ANKRD11: variants seen among roughly 807,000 people sequenced by gnomAD.
The protein encoded by ANKRD11 is ankyrin repeat domain 11.
In ANKRD11, 17 loss-of-function variants were observed where a neutral mutation model predicts 195.7. The observed-to-expected ratio is 0.09, with a 90% CI of 0.06 to 0.13. ANKRD11 has a LOEUF of 0.13. Ranked by LOEUF, ANKRD11 falls within the 10% of genes least tolerant of loss-of-function variation. ANKRD11 has a pLI of 1.00. For synonymous variants in ANKRD11, 1,953 were observed against 1,528.1 expected, an observed-to-expected ratio of 1.28 and a Z score of -6.49; for missense variants, 3,735 against 3,566.1, an observed-to-expected ratio of 1.05 and a Z score of -1.21.
At position 89,449,293 on chromosome 16, in the gene ANKRD11, T is replaced by G. The variant is rs190318521; in HGVS notation, c.-144-30925A>C. Among the ~76,000 whole-genome samples the G allele has an allele frequency of 4.0e-4, 60 of 148,398 alleles. No homozygotes were observed. In the East Asian group the frequency reaches 0.011, roughly 28 times the overall value. ...GGTGGGAGGATCACTCGAGGTGGGG[T>G]GGTCGAGGCTACAGTGAGCCGTGAT... On this transcript the variant is annotated intron_variant, in intron 1 of 12. Transcript: ENST00000301030.
chr16:89,343,536 T>A (rs2038794797), intron 2 of ANKRD11: 1 of 152,282 alleles, frequency 6.6e-6, no homozygotes, highest in African/African-American at 2.4e-5. Flanking sequence ...CGAGGTGGGC[T>A]GGAGGCATGT....
chr16:89,381,976 G>A (rs2040677869), intron 2 of ANKRD11, among the ~76,000 whole-genome samples: 4 of 152,210 alleles, frequency 2.6e-5, no homozygotes, highest in Admixed American at 2.6e-4. Context: ...AATGTAGTGT[G>A]TCTGAGATCG....
rs747098071 is a variant in ANKRD11 at position 89,285,684 on chromosome 16, G to A, written c.893-35C>T. Reference sequence around the variant, plus strand: ...GTAGGAAGCGAGAGGTCACAGGCAGGCTCAAAACAGCTCTCCCCAGAATGG... The same window carrying A: ...GTAGGAAGCGAGAGGTCACAGGCAGACTCAAAACAGCTCTCCCCAGAATGG... On this transcript the variant is annotated intron_variant, in intron 8 of 12. Transcript: ENST00000301030. The surrounding 1 kb of genome is among the most constrained non-coding windows in gnomAD (Gnocchi z 5.6). 1 of 1,601,906 alleles carries A rather than the reference G, an allele frequency of 6.2e-7. No individual in the cohort carries two copies. The highest frequency in any genetic ancestry group is 8.6e-7 in the Non-Finnish European group (1 of 1,168,922).
At chr16:89,341,485 C>T (rs931296913) in intron 2 of ANKRD11, among the ~76,000 whole-genome samples, 1 of 152,136 alleles carries the variant, frequency 6.6e-6, no homozygotes, top group Non-Finnish European at 1.5e-5. Flanking sequence ...CTGCTGGGCT[C>T]GTCACCTTAG....
chr16:89,407,513 C>T (rs189481856), intron 2 of ANKRD11, among the ~76,000 whole-genome samples: 330 of 152,264 alleles, frequency 2.2e-3, no homozygotes, highest in Admixed American at 4.2e-3. Flanking sequence ...GACAGCCGCA[C>T]ACACCTAAGA....
At position 89,274,824 on chromosome 16, in the gene ANKRD11, A is replaced by T. The variant is rs541250965; in HGVS notation, c.7703T>A (p.Leu2568Gln). The change falls in exon 11 of 13, where the codon CTG becomes CAG. Residue 2568 changes from leucine (L) to glutamine (Q), a missense_variant. Leu to Gln is a moderately radical substitution (Grantham distance 113). Transcript: ENST00000301030. ...GCAGACGGGCCCTACCTGGCTCTCCAGGGGCATGTTGTAGACCTCGGAGTC... is the reference window on the plus strand; with the variant it reads ...GCAGACGGGCCCTACCTGGCTCTCCTGGGGCATGTTGTAGACCTCGGAGTC... ...LLDSEVYNMP[L>Q]ESQGDENKSV... is the part of the protein sequence containing the mutation. 6.2e-7 allele frequency: 1 copy of T among 1,611,114 alleles called. No individual in the cohort carries two copies. The highest frequency in any genetic ancestry group is 1.3e-5 in the African/African-American group (1 of 74,892).
chr16:89,443,050 T>C (rs1235828385), intron 1 of ANKRD11, among the ~76,000 whole-genome samples: 2 of 152,322 alleles, frequency 1.3e-5, no homozygotes, highest in East Asian at 3.9e-4. Flanking sequence ...TGGAGTGCAA[T>C]GGTGCAATCT....
Position 89,284,875 on chromosome 16 carries a change from G to A in ANKRD11, c.1667C>T (p.Ser556Phe). Residue 556 changes from serine to phenylalanine, a missense_variant, in exon 9 of 13, where the codon TCC becomes TTC. Physicochemically the swap from Ser to Phe is radical, Grantham distance 155 (BLOSUM62 -2). Coordinates refer to ENST00000301030, the MANE Select transcript of ANKRD11 (RefSeq NM_013275.6). ...WRTDNWKTISSPAWSEVSSLS... is the reference protein window; with the variant it reads ...WRTDNWKTISFPAWSEVSSLS... Reference sequence around the variant, plus strand: ...AGAACTGACCTCTGACCAAGCCGGGGAAGAAATGGTTTTCCAATTGTCTGT... The same window carrying A: ...AGAACTGACCTCTGACCAAGCCGGGAAAGAAATGGTTTTCCAATTGTCTGT... 1.2e-6 allele frequency: 2 copies of A among 1,614,152 alleles called. No homozygotes were observed. The highest frequency in any genetic ancestry group is 1.3e-5 in the African/African-American group (1 of 75,052).
rs990579002 is a variant in ANKRD11, at chr16:89,271,270, G to A, written c.7714-361C>T. 3.2e-5 allele frequency: 11 copies of A among 344,818 alleles called. No homozygotes were observed. In the East Asian group the frequency reaches 5.2e-4, roughly 16 times the overall value. 21.4% of individuals were successfully genotyped at this position (344,818 alleles called of 1,614,324 possible). A position where few individuals can be genotyped will look rare whatever the true frequency, so the allele number is the denominator to read the frequency against. On this transcript the variant is annotated intron_variant, in intron 11 of 12. Transcript: ENST00000301030. ...TTTTTTTTTTAAGAGACAGAGTTTC[G>A]CTTGTTGCCCAGGCTGGAGTGCAAT...
intron 1 of ANKRD11, among the ~76,000 whole-genome samples, chr16:89,471,782 CAAAAAAAAAAAAAAA>C (rs56391654): frequency 9.3e-5 from 5 of 53,494 alleles, no homozygotes; most frequent in African/African-American, 2.4e-4. Context: ...GACTCTGTCT[CAAAAAAAAAAAAAAA>C]AAAAAAAAAA....
intron 1 of ANKRD11, among the ~76,000 whole-genome samples, chr16:89,478,467 C>G (rs1434534598): frequency 6.6e-6 from 1 of 152,174 alleles, no homozygotes; most frequent in Non-Finnish European, 1.5e-5. Flanking sequence ...ACAGCCCCCA[C>G]CCGGTAACTC....
intron 11 of ANKRD11, among the ~76,000 whole-genome samples, chr16:89,274,400 G>A (rs964863665): frequency 6.6e-6 from 1 of 152,218 alleles, no homozygotes; most frequent in African/African-American, 2.4e-5. Context: ...CAGCCCCTGG[G>A]GCCTGTGCTG....
intron 1 of ANKRD11, among the ~76,000 whole-genome samples, chr16:89,477,543 G>A (rs1292265042): frequency 6.6e-6 from 1 of 151,848 alleles, no homozygotes; most frequent in Non-Finnish European, 1.5e-5. Context: ...TTTTAGAAGA[G>A]ACAGGGTTTC....
At chr16:89,428,442 T>C (rs1217717824) in intron 1 of ANKRD11, among the ~76,000 whole-genome samples, 1 of 151,566 alleles carries the variant, frequency 6.6e-6, no homozygotes, top group Non-Finnish European at 1.5e-5. Flanking sequence ...AGGAAAATGT[T>C]GTGAACCTGG....
chr16:89,487,710 G>A (rs903017001), intron 1 of ANKRD11, among the ~76,000 whole-genome samples: 2 of 152,108 alleles, frequency 1.3e-5, no homozygotes, highest in Admixed American at 6.5e-5. Flanking sequence ...GGAGACGGAG[G>A]TTGCAATGAG....
rs538907725 is a variant in ANKRD11, at chr16:89,428,308, A to G, written c.-144-9940T>C. Reference sequence around the variant, plus strand: ...TGGGAGGCCAAGGCGGGCAGATCAGAAGGTCAGGAGATCGAGACCATCCTG... The same window carrying G: ...TGGGAGGCCAAGGCGGGCAGATCAGGAGGTCAGGAGATCGAGACCATCCTG... On this transcript the variant is annotated intron_variant, in intron 1 of 12. Coordinates refer to ENST00000301030, the MANE Select transcript of ANKRD11 (RefSeq NM_013275.6). Among the ~76,000 whole-genome samples, 886 of 151,600 alleles carry G rather than the reference A, an allele frequency of 5.8e-3. 8 individuals are homozygous for G. The highest frequency in any genetic ancestry group is 7.3e-3 in the Non-Finnish European group (497 of 67,858).
intron 6 of ANKRD11, 111 bp from the exon 7 acceptor site, chr16:89,288,781 A>C: frequency 6.6e-7 from 1 of 1,513,396 alleles, no homozygotes; most frequent in Non-Finnish European, 9.1e-7. Flanking sequence ...CCAGGTGGGG[A>C]GCTGCCCTGT....
chr16:89,487,761 G>A (rs1188444044), intron 1 of ANKRD11, among the ~76,000 whole-genome samples: 1 of 152,006 alleles, frequency 6.6e-6, no homozygotes, highest in Non-Finnish European at 1.5e-5. Context: ...GCGACAGAGC[G>A]AGACTCCAAA....
intron 1 of ANKRD11, among the ~76,000 whole-genome samples, chr16:89,453,922 T>C (rs2056311338): frequency 6.6e-6 from 1 of 152,158 alleles, no homozygotes; most frequent in Non-Finnish European, 1.5e-5. Context: ...CCCAACTTCC[T>C]TGTGCCTCAA....
Sources: gnomAD v4.1 joint callset for allele counts (sites outside exome capture counted in the v4.1 genomes callset) on GRCh38, gnomAD v4.1.1 for gene constraint, Gnocchi (gnomAD v3.1) non-coding constraint, MANE v1.5 for transcripts, NCBI Gene and HGNC (gene_info 2026-07-23, HGNC 2026-07-21) for gene names.